Variants in ZNF33A observed in about 807,000 individuals in gnomAD.
The protein encoded by ZNF33A is zinc finger protein 33A.
ZNF33A carries 9 observed loss-of-function variants against 15.9 expected under a neutral mutation model. The observed-to-expected ratio is 0.57, with a 90% CI of 0.34 to 0.99. The LOEUF is 0.99. Among genes scored for constraint, ZNF33A ranks in the 50% least tolerant of loss-of-function variants. The pLI, the probability that ZNF33A is intolerant of heterozygous loss-of-function variation, is 0.02. For missense variants in ZNF33A, 843 were observed against 941.6 expected (o/e 0.90, Z 1.37); for synonymous variants, 294 against 324.2 (o/e 0.91, Z 1.00).
chr10:38,011,156 C>A (rs1027902305), intron 1 of ZNF33A, among the ~76,000 whole-genome samples: 1 of 152,230 alleles, frequency 6.6e-6, no homozygotes, highest in South Asian at 2.1e-4. Flanking sequence ...GCCAGACCGG[C>A]AGACTCGGTT....
intron 4 of ZNF33A, chr10:38,043,801 T>C (rs1462444996): frequency 6.6e-6 from 1 of 152,140 alleles, no homozygotes; most frequent in Non-Finnish European, 1.5e-5. Flanking sequence ...GAAGTTGTAT[T>C]TCTCTTGATG....
downstream of ZNF33A, among the ~76,000 whole-genome samples, chr10:38,066,340 G>C (rs1440317866): frequency 6.6e-6 from 1 of 151,894 alleles, no homozygotes; most frequent in Non-Finnish European, 1.5e-5. Context: ...GTGCAGTGCT[G>C]TGATCTCAGC....
Position 38,054,415 on chromosome 10 carries a change from A to C in ZNF33A, c.291A>C (p.Glu97Asp). Residue 97 changes from glutamate (E) to aspartate (D), a missense_variant, in exon 5 of 5, where the codon GAA (glutamate) becomes GAC (aspartate). Physicochemically the swap from Glu to Asp is conservative, Grantham distance 45. Transcript: ENST00000432900. ...ATCACCTGAAAGAGAGGAGCCAAGA[A>C]AACCAATCTAAACATTTGTGGGAAG... is the stretch of plus-strand genomic sequence containing the variant. ...TADHLKERSQ[E>D]NQSKHLWEVV... 1 of 1,592,792 alleles carries C rather than the reference A, an allele frequency of 6.3e-7. No homozygotes were observed. The highest frequency in any genetic ancestry group is 8.5e-7 in the Non-Finnish European group (1 of 1,172,128).
intron 4 of ZNF33A, among the ~76,000 whole-genome samples, chr10:38,022,618 A>G (rs1590503918): frequency 7.3e-6 from 1 of 137,454 alleles, no homozygotes; most frequent in Admixed American, 8.0e-5. Context: ...ATACTGCTCC[A>G]TTGTACTCTA....
At chr10:38,033,370 G>GT in intron 4 of ZNF33A, among the ~76,000 whole-genome samples, 1 of 152,258 alleles carries the variant, frequency 6.6e-6, no homozygotes, top group African/African-American at 2.4e-5. Flanking sequence ...TGGACGTTTG[G>GT]TTTTAGTTCT....
intron 2 of ZNF33A, among the ~76,000 whole-genome samples, 172 bp downstream of exon 2, chr10:38,012,522 C>T (rs1425088931): frequency 6.7e-6 from 1 of 149,728 alleles, no homozygotes; most frequent in African/African-American, 2.5e-5. Flanking sequence ...ACCTCTGCCT[C>T]CCGGGTTCAA....
chr10:38,031,115 C>T lies in ZNF33A; in HGVS notation c.250+13729C>T, dbSNP rs562575528. ...TAGAACTAAATATACACAACTAATG[C>T]ATGTGAAACTTGTGAAATCTGAATA... On this transcript the variant is annotated intron_variant, in intron 4 of 4. Transcript: ENST00000432900. Among the ~76,000 whole-genome samples the T allele has an allele frequency of 2.0e-4, 31 of 152,234 alleles. No individual in the cohort carries two copies. The South Asian group carries it at 6.4e-3, about 32-fold the overall frequency.
intron 4 of ZNF33A, among the ~76,000 whole-genome samples, chr10:38,034,911 A>G (rs892300305): frequency 2.0e-5 from 3 of 152,164 alleles, no homozygotes; most frequent in African/African-American, 7.2e-5. Context: ...ATACACGTGT[A>G]TAAACCATGT....
At chr10:38,025,937 C>T (rs1257046614) in intron 4 of ZNF33A, among the ~76,000 whole-genome samples, 1 of 152,102 alleles carries the variant, frequency 6.6e-6, no homozygotes, top group African/African-American at 2.4e-5. Flanking sequence ...ACTCATTCCC[C>T]CCTCCTGCCA....
upstream of ZNF33A, chr10:38,010,619 A>C: frequency 7.8e-7 from 1 of 1,280,086 alleles, no homozygotes; most frequent in Non-Finnish European, 1.1e-6. Context: ...GGGCGCCAAC[A>C]GCATCAAGCT....
downstream of ZNF33A, among the ~76,000 whole-genome samples, chr10:38,065,266 T>G (rs1292435446): frequency 6.6e-6 from 1 of 152,002 alleles, no homozygotes; most frequent in Non-Finnish European, 1.5e-5. Context: ...GAGACGGGGT[T>G]TCACCATGTT....
rs774960068 is a variant in ZNF33A, at chr10:38,016,912, G to A, written c.51G>A (p.Val17=). The part of the protein sequence containing the change: ...KSQESVSFKD[V]TVGFTQEEWQ... Reference sequence around the variant, plus strand: ...AGGAGTCAGTATCATTTAAAGATGTGACTGTGGGCTTCACCCAGGAGGAGT... The same window carrying A: ...AGGAGTCAGTATCATTTAAAGATGTAACTGTGGGCTTCACCCAGGAGGAGT... Residue 17 remains valine, a synonymous_variant, in exon 3 of 5, where the codon GTG becomes GTA. Transcript: ENST00000432900. 6.2e-7 allele frequency: 1 copy of A among 1,614,100 alleles called. No homozygotes were observed. Among genetic ancestry groups the A allele is most frequent in the Admixed American group, 1.7e-5 (1 of 59,994 alleles).
intron 1 of ZNF33A, 89 bp downstream of exon 1, chr10:38,010,872 G>T: frequency 6.6e-7 from 1 of 1,522,438 alleles, no homozygotes; most frequent in Non-Finnish European, 8.9e-7. Context: ...AAGTGGTGGG[G>T]AGGAGGCCCG....
chr10:38,058,029 C>T lies in ZNF33A; in HGVS notation c.*1469C>T, dbSNP rs1310584779. The T allele has an allele frequency of 2.0e-6, 2 of 984,662 alleles. No homozygotes were observed. The highest frequency in any genetic ancestry group is 2.4e-6 in the Non-Finnish European group (2 of 829,490). The allele number at this position is 984,662 out of a possible 1,614,324, so 61.0% of individuals were successfully genotyped here. On this transcript the variant is annotated 3_prime_UTR_variant, in exon 5 of 5. Coordinates refer to ENST00000432900, the MANE Select transcript of ZNF33A (RefSeq NM_006954.2). ...CACTATATTACATGATCAGATCATA[C>T]AAATAATCTAAGATTATACAGTCTA... is the stretch of plus-strand genomic sequence containing the variant.
intron 2 of ZNF33A, among the ~76,000 whole-genome samples, chr10:38,012,631 C>T (rs1590429184): frequency 1.3e-5 from 2 of 152,078 alleles, no homozygotes; most frequent in East Asian, 1.9e-4. Context: ...AGGGTTTCAC[C>T]GTGTTGCCTA....
At chr10:38,063,994 A>C (rs150091363), downstream of ZNF33A, 377 of 1,212,770 alleles carry the variant, frequency 3.1e-4, 1 homozygote, top group African/African-American at 4.8e-3. Context: ...TCTGTAGGAA[A>C]ACAGGAAGAA....
At position 38,049,750 on chromosome 10, in the gene ZNF33A, CA is replaced by C. The variant is rs774316629; in HGVS notation, c.251-4621del. On this transcript the variant is annotated intron_variant, in intron 4 of 4. Coordinates refer to ENST00000432900, the MANE Select transcript of ZNF33A (RefSeq NM_006954.2). ...GAAGAAGAAAGGAAATAACAAAAAACAAAATGGAGAACAATATAATATGTAG... is the reference window on the plus strand; with the variant it reads ...GAAGAAGAAAGGAAATAACAAAAAACAAATGGAGAACAATATAATATGTAG... Among the ~76,000 whole-genome samples, 13 of 151,890 alleles carry C rather than the reference CA, an allele frequency of 8.6e-5. No homozygotes were observed. The South Asian group carries it at 1.0e-3, about 12-fold the overall frequency.
In ZNF33A at chr10:38,056,753, G is replaced by C; in HGVS notation, c.*193G>C. On this transcript the variant is annotated 3_prime_UTR_variant, in exon 5 of 5. Transcript: ENST00000432900. Reference sequence around the variant, plus strand: ...TTGGCAAAAATGCAAATAAGGTTATGTTAGAATTTACACTGAGGAGAAAAT... The same window carrying C: ...TTGGCAAAAATGCAAATAAGGTTATCTTAGAATTTACACTGAGGAGAAAAT... The C allele has an allele frequency of 8.0e-7, 1 of 1,243,336 alleles. No individual in the cohort carries two copies. 77.0% of individuals were successfully genotyped at this position (1,243,336 alleles called of 1,614,324 possible).
At chr10:38,020,031 AC>A (rs1425332798) in intron 4 of ZNF33A, among the ~76,000 whole-genome samples, 7 of 152,220 alleles carry the variant, frequency 4.6e-5, no homozygotes, top group African/African-American at 7.2e-5. Context: ...TAGAACAACT[AC>A]TGAGAATACT....
Sources: gnomAD v4.1 joint callset for allele counts (sites outside exome capture counted in the v4.1 genomes callset) on GRCh38, gnomAD v4.1.1 for gene constraint, MANE v1.5 for transcripts, NCBI Gene and HGNC (gene_info 2026-07-23, HGNC 2026-07-21) for gene names.